Variants in BAZ2B observed in about 807,000 individuals in gnomAD.
The protein encoded by BAZ2B is bromodomain adjacent to zinc finger domain protein 2B.
A neutral mutation model predicts 246.0 loss-of-function variants in BAZ2B; 91 were observed. The ratio of observed to expected loss-of-function variants is 0.37; its 90% CI spans 0.31 to 0.44. BAZ2B has a LOEUF of 0.44. BAZ2B is among the 20% of genes least tolerant of loss of function. The probability of loss-of-function intolerance (pLI) is 1.00; values close to 1 mark genes in which losing one functional copy is unlikely to be tolerated. For missense variants in BAZ2B, 2,332 were observed against 2,533.7 expected, an observed-to-expected ratio of 0.92 and a Z score of 1.71; for synonymous variants, 855 against 860.0, an observed-to-expected ratio of 0.99 and a Z score of 0.10.
the BAZ2B span, among the ~76,000 whole-genome samples, chr2:159,661,253 A>G: frequency 2.6e-5 from 4 of 152,170 alleles, no homozygotes; most frequent in African/African-American, 9.7e-5. Context: ...CTTCAGCCAT[A>G]TTGTAATGTG....
intron 31 of BAZ2B, among the ~76,000 whole-genome samples, chr2:159,339,497 A>C (rs2066261999): frequency 6.6e-6 from 1 of 152,216 alleles, no homozygotes; most frequent in Non-Finnish European, 1.5e-5. Flanking sequence ...TCCACTATGA[A>C]AAACAGTGTG....
At chr2:159,687,414 G>A in the BAZ2B span, among the ~76,000 whole-genome samples, 2 of 152,186 alleles carry the variant, frequency 1.3e-5, no homozygotes, top group African/African-American at 4.8e-5. Flanking sequence ...GGAAGAAAGG[G>A]TGGAGACTGT....
chr2:159,623,089 A>AGGGAGAG, the BAZ2B span, among the ~76,000 whole-genome samples: 1 of 141,768 alleles, frequency 7.1e-6, no homozygotes, highest in Non-Finnish European at 1.5e-5. Flanking sequence ...GGGAGAGGGG[A>AGGGAGAG]GGGAGAGGGG....
At chr2:159,580,008 C>T (rs1379713960) in intron 1 of BAZ2B, among the ~76,000 whole-genome samples, 1 of 152,180 alleles carries the variant, frequency 6.6e-6, no homozygotes, top group Non-Finnish European at 1.5e-5. Flanking sequence ...AAAACTGGCA[C>T]AAGGCAGGGA....
In BAZ2B at chr2:159,570,635, C is replaced by A. The variant is rs1355816908; in HGVS notation, c.-45-14770G>T. On this transcript the variant is annotated intron_variant, in intron 1 of 36. Coordinates refer to ENST00000392783, the MANE Select transcript of BAZ2B (RefSeq NM_013450.4). ...CCCTTTCCTGTCATTTATATCCCAG[C>A]ACATTTTTCACCCTTTCTCTGTCTC... Among the ~76,000 whole-genome samples the A allele has an allele frequency of 3.0e-5, 4 of 133,942 alleles. No individual in the cohort carries two copies. In the South Asian group the frequency reaches 1.0e-3, roughly 34 times the overall value. The allele number at this position is 133,942 out of a possible 152,430, so 87.9% of individuals were successfully genotyped here. A position where few individuals can be genotyped will look rare whatever the true frequency, so the allele number is the denominator to read the frequency against.
At chr2:159,677,700 C>T in the BAZ2B span, among the ~76,000 whole-genome samples, 1 of 152,174 alleles carries the variant, frequency 6.6e-6, no homozygotes. Flanking sequence ...TTGGGTTTCA[C>T]AATATGCTAT....
intron 1 of BAZ2B, among the ~76,000 whole-genome samples, chr2:159,597,226 A>C (rs1360769895): frequency 6.6e-6 from 1 of 152,084 alleles, no homozygotes; most frequent in Non-Finnish European, 1.5e-5. Context: ...TCCTTAGCCC[A>C]CTTTTTGATG....
chr2:159,576,991 C>A (rs1448004845), intron 1 of BAZ2B, among the ~76,000 whole-genome samples: 1 of 148,580 alleles, frequency 6.7e-6, no homozygotes, highest in Non-Finnish European at 1.5e-5. Context: ...TTTGGGAGAA[C>A]AAGGTTGGAA....
chr2:159,324,465 T>C (rs2063159146), intron 36 of BAZ2B, among the ~76,000 whole-genome samples: 1 of 152,180 alleles, frequency 6.6e-6, no homozygotes, highest in African/African-American at 2.4e-5. Context: ...TTCCGGCTTA[T>C]ATGTTACTTA....
rs1389023047 is a variant in BAZ2B at position 159,412,384 on chromosome 2, T to C, written c.2628A>G (p.Glu876=). 2 of 1,614,136 alleles carry C rather than the reference T, an allele frequency of 1.2e-6. No homozygotes were observed. The highest frequency in any genetic ancestry group is 1.7e-6 in the Non-Finnish European group (2 of 1,180,000). Residue 876 remains glutamate (E), a synonymous_variant, in exon 14 of 37, where the codon GAA becomes GAG. Coordinates refer to ENST00000392783, the MANE Select transcript of BAZ2B (RefSeq NM_013450.4). ...ACTTTGCATCTGCGTTATCTAGGAATTCAGCATTGCCAACATTTGGAGGTC... is the reference window on the plus strand; with the variant it reads ...ACTTTGCATCTGCGTTATCTAGGAACTCAGCATTGCCAACATTTGGAGGTC... ...KGRPPNVGNA[E]FLDNADAKLL... is the part of the protein sequence containing the mutation.
intron 1 of BAZ2B, among the ~76,000 whole-genome samples, chr2:159,578,995 A>C (rs1686049401): frequency 6.6e-6 from 1 of 152,290 alleles, no homozygotes; most frequent in African/African-American, 2.4e-5. Flanking sequence ...TGACACCCTA[A>C]CGTCACAATT....
chr2:159,329,172 AT>A (rs979870454), intron 34 of BAZ2B, among the ~76,000 whole-genome samples: 12 of 151,716 alleles, frequency 7.9e-5, no homozygotes, highest in Non-Finnish European at 1.5e-4. Flanking sequence ...AAAGCAAAAA[AT>A]CCAACCCCCT....
intron 3 of BAZ2B, among the ~76,000 whole-genome samples, chr2:159,475,325 C>T (rs569425909): frequency 1.3e-5 from 2 of 152,232 alleles, no homozygotes; most frequent in African/African-American, 2.4e-5. Flanking sequence ...GATATCCTTT[C>T]GTCTGCTTCA....
chr2:159,520,087 A>C (rs2083969387), intron 2 of BAZ2B, among the ~76,000 whole-genome samples: 2 of 152,144 alleles, frequency 1.3e-5, no homozygotes, highest in African/African-American at 4.8e-5. Context: ...GAAATGTCCT[A>C]TCTCTTATTT....
At position 159,349,698 on chromosome 2, in the gene BAZ2B, C is replaced by A; in HGVS notation, c.4863+10G>T. 1 of 1,595,760 alleles carries A rather than the reference C, an allele frequency of 6.3e-7. No homozygotes were observed. The highest frequency in any genetic ancestry group is 8.5e-7 in the Non-Finnish European group (1 of 1,170,134). Reference sequence around the variant, plus strand: ...CAATATAAAAATGAGTTACAGTTAGCAGTACTAACCTGAAGAGGTGATAAA... The same window carrying A: ...CAATATAAAAATGAGTTACAGTTAGAAGTACTAACCTGAAGAGGTGATAAA... On this transcript the variant is annotated intron_variant, in intron 28 of 36. Coordinates refer to ENST00000392783, the MANE Select transcript of BAZ2B (RefSeq NM_013450.4).
chr2:159,399,682 G>GA (rs978886474), intron 17 of BAZ2B, among the ~76,000 whole-genome samples: 5 of 152,050 alleles, frequency 3.3e-5, no homozygotes, highest in Admixed American at 2.0e-4. Flanking sequence ...AAATGGGTAA[G>GA]AAAAAATGTG....
At chr2:159,469,907 A>G (rs2077564341) in intron 3 of BAZ2B, among the ~76,000 whole-genome samples, 1 of 152,208 alleles carries the variant, frequency 6.6e-6, no homozygotes, top group Non-Finnish European at 1.5e-5. Flanking sequence ...TGAAAAACAC[A>G]AGAGAGGCAG....
At chr2:159,370,005 T>A (rs2060646859) in intron 27 of BAZ2B, among the ~76,000 whole-genome samples, 1 of 152,030 alleles carries the variant, frequency 6.6e-6, no homozygotes, top group African/African-American at 2.4e-5. Flanking sequence ...AAAGGATGAG[T>A]TCATGTCCTT....
chr2:159,532,537 A>G (rs977101126), intron 2 of BAZ2B, among the ~76,000 whole-genome samples: 8 of 152,216 alleles, frequency 5.3e-5, no homozygotes, highest in Non-Finnish European at 8.8e-5. Flanking sequence ...TAAAAAGACA[A>G]TGCACTGTAC....
Sources: allele counts gnomAD v4.1 joint callset (sites outside exome capture counted in the v4.1 genomes callset), GRCh38; gene constraint gnomAD v4.1.1; transcripts MANE v1.5; gene names NCBI Gene and HGNC (gene_info 2026-07-23, HGNC 2026-07-21).